Variants in PPFIBP2 observed in about 807,000 individuals in gnomAD.
The protein encoded by PPFIBP2 is PPFIB scaffold protein 2, also known as liprin-beta-2.
PPFIBP2 carries 118 observed loss-of-function variants against 118.3 expected under a neutral mutation model. That is an observed-to-expected ratio of 1.00 (90% confidence interval 0.86 to 1.16). The LOEUF is 1.16. Ranked by LOEUF, PPFIBP2 falls within the 50% of genes most tolerant of loss-of-function variation. PPFIBP2 has a pLI of 0.00. For synonymous variants in PPFIBP2, 414 were observed against 397.4 expected (o/e 1.04, Z -0.50); for missense variants, 1,195 against 1,073.1 (o/e 1.11, Z -1.59).
downstream of PPFIBP2, among the ~76,000 whole-genome samples, chr11:7,658,012 T>C (rs1416218313): frequency 6.6e-6 from 1 of 152,242 alleles, no homozygotes; most frequent in Non-Finnish European, 1.5e-5. Flanking sequence ...GGGCTAGAGA[T>C]ACAGGCATGA....
intron 2 of PPFIBP2, among the ~76,000 whole-genome samples, chr11:7,561,032 G>C (rs544670513): frequency 6.6e-6 from 1 of 152,030 alleles, no homozygotes; most frequent in African/African-American, 2.4e-5. Flanking sequence ...TTGTATGAAG[G>C]CTATACTGAG....
intron 2 of PPFIBP2, among the ~76,000 whole-genome samples, chr11:7,556,486 T>C (rs1437801775): frequency 6.6e-6 from 1 of 152,190 alleles, no homozygotes; most frequent in Non-Finnish European, 1.5e-5. Context: ...TTAGAATGCT[T>C]TAATTCTCAT....
chr11:7,547,729 C>T (rs761656286), intron 1 of PPFIBP2, among the ~76,000 whole-genome samples: 5 of 152,086 alleles, frequency 3.3e-5, no homozygotes, highest in East Asian at 1.9e-4. Context: ...TGAAGTTCCC[C>T]GACACCCTGT....
intron 4 of PPFIBP2, among the ~76,000 whole-genome samples, chr11:7,595,778 A>G (rs192367037): frequency 2.5e-4 from 38 of 152,308 alleles, no homozygotes; most frequent in Non-Finnish European, 4.4e-4. Context: ...TACTCATAGA[A>G]CAAGGCAAAT....
chr11:7,655,633 G>A, downstream of PPFIBP2: 1 of 666,842 alleles, frequency 1.5e-6, no homozygotes, highest in Non-Finnish European at 2.3e-6. Context: ...CACAGCCTGA[G>A]CCTGAGCCAG....
chr11:7,602,113 A>AAG (rs1443847810), intron 5 of PPFIBP2, among the ~76,000 whole-genome samples: 1 of 147,298 alleles, frequency 6.8e-6, no homozygotes, highest in African/African-American at 2.5e-5. Flanking sequence ...AAAAAAAAAG[A>AAG]AGAGTCATTT....
intron 1 of PPFIBP2, among the ~76,000 whole-genome samples, chr11:7,527,443 A>G (rs922807157): frequency 1.1e-4 from 16 of 152,076 alleles, no homozygotes; most frequent in Admixed American, 1.3e-4. Flanking sequence ...CTTCTCAGGT[A>G]CTGTGGAATC....
chr11:7,597,960 C>A, intron 5 of PPFIBP2: 1 of 319,996 alleles, frequency 3.1e-6, no homozygotes, highest in Admixed American at 4.5e-5. Context: ...AGTGAGGGAG[C>A]GCTCGGCTGG....
chr11:7,550,371 A>G (rs1852834845), intron 2 of PPFIBP2, among the ~76,000 whole-genome samples: 1 of 152,174 alleles, frequency 6.6e-6, no homozygotes, highest in South Asian at 2.1e-4. Flanking sequence ...AGACCCCAGG[A>G]AGTACACAGA....
At chr11:7,666,424 G>T in the PPFIBP2 span, 1 of 1,460,988 alleles carries the variant, frequency 6.8e-7, no homozygotes, top group Non-Finnish European at 9.6e-7. Flanking sequence ...GCTGACCCAT[G>T]GTGAGTGAGG....
chr11:7,547,761 C>G (rs953020988), intron 1 of PPFIBP2, among the ~76,000 whole-genome samples: 2 of 152,174 alleles, frequency 1.3e-5, no homozygotes, highest in African/African-American at 4.8e-5. Context: ...CTCATTCCCT[C>G]TAAGCTAACT....
At chr11:7,640,969 T>C in intron 15 of PPFIBP2, 4 of 1,182,794 alleles carry the variant, frequency 3.4e-6, no homozygotes, top group East Asian at 5.7e-5. Flanking sequence ...CGTAACTCTG[T>C]TGGGCTGGAC....
chr11:7,549,190 C>G (rs1483272423), intron 1 of PPFIBP2, among the ~76,000 whole-genome samples: 1 of 152,120 alleles, frequency 6.6e-6, no homozygotes, highest in Non-Finnish European at 1.5e-5. Context: ...GTCTTGCTGC[C>G]ACAGGTGACT....
At chr11:7,574,796 G>A (rs961313264) in intron 3 of PPFIBP2, among the ~76,000 whole-genome samples, 5 of 152,088 alleles carry the variant, frequency 3.3e-5, no homozygotes, top group Admixed American at 3.3e-4. Flanking sequence ...TTTCCCTCCT[G>A]CCAACCTGCT....
At chr11:7,598,219 G>T in intron 5 of PPFIBP2, 1 of 274,884 alleles carries the variant, frequency 3.6e-6, no homozygotes, top group Non-Finnish European at 7.1e-6. Context: ...ATGTGTACAT[G>T]TACTTTCCAA....
chr11:7,619,400 T>A (rs148058914), intron 6 of PPFIBP2, among the ~76,000 whole-genome samples: 15 of 152,284 alleles, frequency 9.9e-5, no homozygotes, highest in African/African-American at 2.4e-4. Context: ...ATTATCCATG[T>A]GGCTAGAGCA....
intron 3 of PPFIBP2, among the ~76,000 whole-genome samples, chr11:7,586,994 C>G (rs1162462859): frequency 2.0e-5 from 3 of 152,160 alleles, no homozygotes; most frequent in African/African-American, 7.2e-5. Context: ...TAGACTTTAG[C>G]TCCTGTTTAT....
At position 7,529,492 on chromosome 11, in the gene PPFIBP2, T is replaced by C. The variant is rs556331469; in HGVS notation, c.-37+15371T>C. On this transcript the variant is annotated intron_variant, in intron 1 of 23. Transcript: ENST00000299492. ...GAATAACCGGGAGGCCTTTCTCAGATACCAGTACGGCTCAGCCATCTTCTC... is the reference window on the plus strand; with the variant it reads ...GAATAACCGGGAGGCCTTTCTCAGACACCAGTACGGCTCAGCCATCTTCTC... 3.9e-4 allele frequency among the ~76,000 whole-genome samples: 59 copies of C among 152,252 alleles called. 1 individual carries two copies. The South Asian group carries it at 0.011, about 29-fold the overall frequency.
In PPFIBP2 at chr11:7,642,318, G is replaced by C; in HGVS notation, c.1538G>C (p.Gly513Ala). Residue 513 changes from glycine (G) to alanine (A), a missense_variant, in exon 17 of 24, where the codon GGA becomes GCA. Transcript: ENST00000299492. Reference protein sequence around the residue: ...FWGKIRRTQSGNFYTDTLGMA... With the variant: ...FWGKIRRTQSANFYTDTLGMA... ...TGCAGAATCCGAAGAACTCAGTCAG[G>C]AAATTTCTACACTGACACGCTGGGG... 2 of 1,614,112 alleles carry C rather than the reference G, an allele frequency of 1.2e-6. No individual in the cohort carries two copies. Among genetic ancestry groups the C allele is most frequent in the Non-Finnish European group, 1.7e-6 (2 of 1,180,002 alleles).
Sources: gnomAD v4.1 joint callset for allele counts (sites outside exome capture counted in the v4.1 genomes callset) on GRCh38, gnomAD v4.1.1 for gene constraint, MANE v1.5 for transcripts, NCBI Gene and HGNC (gene_info 2026-07-23, HGNC 2026-07-21) for gene names.